The following PCDH15 variants were observed in gnomAD, a reference collection of about 807,000 sequenced individuals.
The protein encoded by PCDH15 is protocadherin-15.
In PCDH15, 129 loss-of-function variants were observed where a neutral mutation model predicts 178.5. That is an observed-to-expected ratio of 0.72 (90% CI 0.63 to 0.84). The LOEUF is 0.84. Among genes scored for constraint, PCDH15 ranks in the 40% least tolerant of loss-of-function variants. The pLI, the probability that PCDH15 is intolerant of heterozygous loss-of-function variation, is 0.00. For missense variants in PCDH15, 2,230 were observed against 2,099.9 expected (o/e 1.06, Z -1.21); for synonymous variants, 800 against 732.0 (o/e 1.09, Z -1.50).
intron 21 of PCDH15, among the ~76,000 whole-genome samples, chr10:53,964,605 A>G (rs1407675346): frequency 6.6e-6 from 1 of 151,904 alleles, no homozygotes; most frequent in Non-Finnish European, 1.5e-5. Flanking sequence ...TAAAGTATTC[A>G]TATATTTGAA....
intron 2 of PCDH15, among the ~76,000 whole-genome samples, chr10:55,442,718 T>G (rs1940099341): frequency 6.6e-6 from 1 of 151,740 alleles, no homozygotes; most frequent in African/African-American, 2.4e-5. Context: ...CTGCAAATGT[T>G]AATGATAAAC....
intron 8 of PCDH15, among the ~76,000 whole-genome samples, chr10:54,239,547 G>C (rs931928181): frequency 9.2e-5 from 14 of 151,912 alleles, no homozygotes; most frequent in African/African-American, 3.1e-4. Flanking sequence ...AGTGAGGGTA[G>C]ATGGGATAGA....
chr10:54,983,704 C>T (rs937678715), intron 2 of PCDH15, among the ~76,000 whole-genome samples: 2 of 152,236 alleles, frequency 1.3e-5, no homozygotes, highest in Non-Finnish European at 1.5e-5. Flanking sequence ...GGGAAAAGTA[C>T]TATTAATGAT....
intron 2 of PCDH15, among the ~76,000 whole-genome samples, chr10:55,601,042 G>A (rs10430548): frequency 0.33 from 49,962 of 151,720 alleles, 8,717 homozygotes; most frequent in East Asian, 0.49. Context: ...ATGCCCTCCT[G>A]TTTCTTCACT....
At chr10:54,778,160 A>G (rs917280334) in intron 1 of PCDH15, among the ~76,000 whole-genome samples, 1 of 152,162 alleles carries the variant, frequency 6.6e-6, no homozygotes, top group African/African-American at 2.4e-5. Context: ...AGCAAATGAG[A>G]ATGTTGCTAA....
intron 2 of PCDH15, among the ~76,000 whole-genome samples, chr10:54,926,593 T>G (rs1014157010): frequency 3.3e-5 from 5 of 152,092 alleles, no homozygotes; most frequent in African/African-American, 4.8e-5. Flanking sequence ...GGCTTTTTTT[T>G]TAGATTTGTA....
In PCDH15 at chr10:54,223,192, T is replaced by TC. The variant is rs200316318; in HGVS notation, c.986-9145dup. 9.9e-3 allele frequency among the ~76,000 whole-genome samples: 1,502 copies of TC among 151,118 alleles called. 23 individuals are homozygous for TC. The highest frequency in any genetic ancestry group is 0.032 in the African/African-American group (1,304 of 41,108). On this transcript the variant is annotated intron_variant, in intron 9 of 37. Coordinates refer to ENST00000644397, the MANE Select transcript of PCDH15 (RefSeq NM_001384140.1). ...CAGGCATGGTGGCACTTGCCTGTAATCTAGGTACTCGAGAGGCTGAGGGAG... is the reference window on the plus strand; with the variant it reads ...CAGGCATGGTGGCACTTGCCTGTAATCCTAGGTACTCGAGAGGCTGAGGGAG...
chr10:54,458,910 A>G (rs370888908), intron 3 of PCDH15, among the ~76,000 whole-genome samples: 1 of 152,128 alleles, frequency 6.6e-6, no homozygotes, highest in Non-Finnish European at 1.5e-5. Context: ...GCAGGTTCTT[A>G]AATAATGTTG....
intron 30 of PCDH15, chr10:53,831,031 A>G (rs2132630265): frequency 1.7e-6 from 1 of 602,238 alleles, no homozygotes; most frequent in African/African-American, 1.8e-5. Flanking sequence ...GCTCTTAAAC[A>G]AAAGAAGAGC....
chr10:54,340,733 T>C (rs1942074454), intron 6 of PCDH15, among the ~76,000 whole-genome samples: 1 of 152,112 alleles, frequency 6.6e-6, no homozygotes, highest in Admixed American at 6.5e-5. Context: ...GTTTTCTACA[T>C]TGGCATGGTT....
At chr10:54,838,043 T>G (rs1435189662) in intron 3 of PCDH15, among the ~76,000 whole-genome samples, 1 of 151,864 alleles carries the variant, frequency 6.6e-6, no homozygotes, top group African/African-American at 2.4e-5. Flanking sequence ...TGTCCAAGTA[T>G]TCTACATACT....
intron 2 of PCDH15, among the ~76,000 whole-genome samples, chr10:54,577,851 T>C (rs2133732191): frequency 1.4e-4 from 1 of 7,366 alleles, no homozygotes; most frequent in Admixed American, 1.4e-3. Flanking sequence ...CCTAAATAAA[T>C]GAATAAATAA....
At chr10:54,295,976 C>G (rs1224114740) in intron 8 of PCDH15, among the ~76,000 whole-genome samples, 4 of 150,276 alleles carry the variant, frequency 2.7e-5, no homozygotes, top group Non-Finnish European at 4.4e-5. Context: ...AACCCCGTCT[C>G]TACTAAAAAA....
chr10:55,015,638 G>A (rs1840156002), intron 2 of PCDH15, among the ~76,000 whole-genome samples: 1 of 152,134 alleles, frequency 6.6e-6, no homozygotes, highest in Non-Finnish European at 1.5e-5. Context: ...CTAAAACTGG[G>A]TAATTTATGA....
At chr10:54,029,643 A>G (rs574955206) in intron 18 of PCDH15, among the ~76,000 whole-genome samples, 97 of 152,214 alleles carry the variant, frequency 6.4e-4, no homozygotes, top group Non-Finnish European at 1.1e-3. Flanking sequence ...TACTTAAGAA[A>G]AAAGTCAAGG....
intron 2 of PCDH15, among the ~76,000 whole-genome samples, chr10:55,165,194 C>T (rs535190860): frequency 2.6e-5 from 4 of 152,018 alleles, no homozygotes; most frequent in African/African-American, 9.6e-5. Flanking sequence ...GTATACTCAA[C>T]AAACGATGAA....
chr10:54,505,301 T>C (rs2081075356), intron 3 of PCDH15, among the ~76,000 whole-genome samples: 2 of 152,152 alleles, frequency 1.3e-5, no homozygotes, highest in Admixed American at 1.3e-4. Flanking sequence ...CAGGTCTCTG[T>C]ATGTAGCTAA....
At position 54,599,775 on chromosome 10, in the gene PCDH15, C is replaced by T. The variant is rs536966297; in HGVS notation, c.91+64397G>A. 1.2e-4 allele frequency: 63 copies of T among 521,754 alleles called. 2 individuals carry two copies. The highest frequency in any genetic ancestry group is 1.1e-3 in the South Asian group (61 of 54,730). The allele number at this position is 521,754 out of a possible 1,614,324, so 32.3% of individuals were successfully genotyped here. A position where few individuals can be genotyped will look rare whatever the true frequency, so the allele number is the denominator to read the frequency against. On this transcript the variant is annotated intron_variant, in intron 2 of 37. Coordinates refer to ENST00000644397, the MANE Select transcript of PCDH15 (RefSeq NM_001384140.1). ...TAAAAGATGAGGGTGATAAGTTAGA[C>T]CAAGCTGAAGAGGGAGGATCTGAGA...
intron 26 of PCDH15, among the ~76,000 whole-genome samples, chr10:53,868,932 T>C (rs942738239): frequency 1.3e-5 from 2 of 152,146 alleles, no homozygotes; most frequent in African/African-American, 2.4e-5. Flanking sequence ...TAGCCTCACA[T>C]GTCAGCCTCT....
Sources: gnomAD v4.1 joint callset for allele counts (sites outside exome capture counted in the v4.1 genomes callset) on GRCh38, gnomAD v4.1.1 for gene constraint, MANE v1.5 for transcripts, NCBI Gene and HGNC (gene_info 2026-07-23, HGNC 2026-07-21) for gene names.